LRRC4C: variants seen among roughly 807,000 people sequenced by gnomAD.
The protein encoded by LRRC4C is leucine-rich repeat-containing protein 4C.
Under a neutral mutation model 33.6 loss-of-function variants are expected in LRRC4C, and 5 were observed. The observed-to-expected ratio is 0.15, with a 90% CI of 0.08 to 0.31. LRRC4C has a LOEUF of 0.31. Among genes scored for constraint, LRRC4C ranks in the 10% least tolerant of loss-of-function variants. The pLI is 1.00. For missense variants in LRRC4C, 560 were observed against 796.7 expected (o/e 0.70, Z 3.58); for synonymous variants, 329 against 302.0 (o/e 1.09, Z -0.93).
intron 1 of LRRC4C, among the ~76,000 whole-genome samples, chr11:41,211,604 T>C (rs111565246): frequency 0.024 from 3,654 of 152,248 alleles, 157 homozygotes; most frequent in African/African-American, 0.082. Context: ...CTTGTGATAG[T>C]TGGCTGAGAA....
chr11:40,897,452 T>G, intron 2 of LRRC4C, among the ~76,000 whole-genome samples: 1 of 152,152 alleles, frequency 6.6e-6, no homozygotes, highest in East Asian at 1.9e-4. Context: ...AATTGAATCA[T>G]CATGTCATCA....
intron 4 of LRRC4C, among the ~76,000 whole-genome samples, chr11:40,280,609 C>T (rs1590897177): frequency 6.6e-6 from 1 of 152,082 alleles, no homozygotes; most frequent in Non-Finnish European, 1.5e-5. Context: ...AGATCTCTCT[C>T]GGGGTCTACA....
intron 2 of LRRC4C, among the ~76,000 whole-genome samples, chr11:40,703,295 G>T (rs1945971120): frequency 6.6e-6 from 1 of 152,050 alleles, no homozygotes; most frequent in African/African-American, 2.4e-5. Context: ...AACTTTTATG[G>T]CAAAGTCTAA....
intron 3 of LRRC4C, among the ~76,000 whole-genome samples, chr11:40,384,227 G>T (rs966992328): frequency 4.6e-5 from 7 of 151,930 alleles, no homozygotes; most frequent in African/African-American, 1.5e-4. Context: ...TTGCTTTATA[G>T]TGGTGATGGG....
rs1238629294 is a variant in LRRC4C at position 40,509,630 on chromosome 11, G to A, written c.-270+138512C>T. Among the ~76,000 whole-genome samples the A allele has an allele frequency of 2.0e-5, 3 of 151,792 alleles. 1 individual carries two copies. Among genetic ancestry groups the A allele is most frequent in the South Asian group, 4.2e-4 (2 of 4,816 alleles). On this transcript the variant is annotated intron_variant, in intron 3 of 6. Coordinates refer to ENST00000528697, the MANE Select transcript of LRRC4C (RefSeq NM_001258419.2). Reference sequence around the variant, plus strand: ...GCATTTCATAGTGCCTAGTAATATTGGGTACTGATTAAATACAATTTTCTG... The same window carrying A: ...GCATTTCATAGTGCCTAGTAATATTAGGTACTGATTAAATACAATTTTCTG...
intron 6 of LRRC4C, among the ~76,000 whole-genome samples, chr11:40,132,761 C>T (rs1048148935): frequency 5.3e-5 from 8 of 151,810 alleles, no homozygotes; most frequent in African/African-American, 1.9e-4. Flanking sequence ...CCTCAATAAA[C>T]AAATCTAGTG....
chr11:41,215,514 C>T (rs1176672195), intron 1 of LRRC4C, among the ~76,000 whole-genome samples: 1 of 150,480 alleles, frequency 6.6e-6, no homozygotes, highest in African/African-American at 2.5e-5. Context: ...AAAAAAATTC[C>T]ATCCACATTG....
chr11:40,499,533 G>T (rs1331259266), intron 3 of LRRC4C, among the ~76,000 whole-genome samples: 2 of 152,078 alleles, frequency 1.3e-5, no homozygotes, highest in Non-Finnish European at 2.9e-5. Context: ...TTATGTGACT[G>T]ATTTTCACAT....
intron 2 of LRRC4C, among the ~76,000 whole-genome samples, chr11:40,878,645 T>A (rs1387017670): frequency 1.3e-5 from 2 of 152,202 alleles, no homozygotes; most frequent in East Asian, 3.9e-4. Flanking sequence ...CCTCCTACTG[T>A]GCAGCCTGGT....
chr11:41,216,373 T>C lies in LRRC4C; in HGVS notation c.-496+243058A>G, dbSNP rs191275676. On this transcript the variant is annotated intron_variant, in intron 1 of 6. Coordinates refer to ENST00000528697, the MANE Select transcript of LRRC4C (RefSeq NM_001258419.2). ...AAAAACGACATTGAGATAAACAACTTTGAGAACAGTAAATGTCCCAAATTA... is the reference window on the plus strand; with the variant it reads ...AAAAACGACATTGAGATAAACAACTCTGAGAACAGTAAATGTCCCAAATTA... Among the ~76,000 whole-genome samples, 12 of 152,090 alleles carry C rather than the reference T, an allele frequency of 7.9e-5. No homozygotes were observed. The East Asian group carries it at 2.3e-3, about 29-fold the overall frequency.
chr11:40,911,054 C>T (rs1426276152), intron 2 of LRRC4C, among the ~76,000 whole-genome samples: 2 of 152,140 alleles, frequency 1.3e-5, no homozygotes, highest in African/African-American at 2.4e-5. Context: ...CTGGGAAGCT[C>T]GAACTGGGTG....
chr11:40,913,449 T>G (rs1956789956), intron 2 of LRRC4C, among the ~76,000 whole-genome samples: 1 of 152,064 alleles, frequency 6.6e-6, no homozygotes, highest in African/African-American at 2.4e-5. Flanking sequence ...GAATGACTAC[T>G]GGGTACATAA....
intron 3 of LRRC4C, among the ~76,000 whole-genome samples, chr11:40,552,651 G>T (rs1957171379): frequency 6.6e-6 from 1 of 152,110 alleles, no homozygotes; most frequent in African/African-American, 2.4e-5. Flanking sequence ...GTTTATCACA[G>T]AATATCCTGC....
chr11:40,590,863 A>T (rs1237768690), intron 3 of LRRC4C, among the ~76,000 whole-genome samples: 1 of 152,240 alleles, frequency 6.6e-6, no homozygotes, highest in African/African-American at 2.4e-5. Context: ...GTGCTGGGAG[A>T]ACCACTGCTC....
At chr11:41,080,938 A>C (rs117980092) in intron 1 of LRRC4C, among the ~76,000 whole-genome samples, 1 of 152,198 alleles carries the variant, frequency 6.6e-6, no homozygotes, top group Admixed American at 6.5e-5. Flanking sequence ...GTTTTACCCT[A>C]ATAATTCATT....
chr11:40,766,527 T>A (rs756323314), intron 2 of LRRC4C, among the ~76,000 whole-genome samples: 60 of 151,482 alleles, frequency 4.0e-4, no homozygotes, highest in Non-Finnish European at 1.8e-4. Context: ...GAAGAACTGA[T>A]GAAAAAAATA....
At chr11:41,216,590 C>T (rs1029716814) in intron 1 of LRRC4C, among the ~76,000 whole-genome samples, 4 of 152,112 alleles carry the variant, frequency 2.6e-5, no homozygotes, top group African/African-American at 7.2e-5. Context: ...ATGGTAAAGA[C>T]GATGCCTTCC....
chr11:40,914,835 G>A (rs948090536), intron 2 of LRRC4C, among the ~76,000 whole-genome samples: 3 of 152,078 alleles, frequency 2.0e-5, no homozygotes, highest in Non-Finnish European at 4.4e-5. Context: ...TAAGCTGATA[G>A]GCAACTTCAG....
intron 2 of LRRC4C, among the ~76,000 whole-genome samples, chr11:40,725,511 G>A (rs993469698): frequency 1.3e-5 from 2 of 148,306 alleles, no homozygotes; most frequent in Non-Finnish European, 3.0e-5. Context: ...GCGAGACTCT[G>A]TTTAAAAAAA....
Sources: allele counts gnomAD v4.1 joint callset (sites outside exome capture counted in the v4.1 genomes callset), GRCh38; gene constraint gnomAD v4.1.1; transcripts MANE v1.5; gene names NCBI Gene and HGNC (gene_info 2026-07-23, HGNC 2026-07-21).